The following HEATR4 variants were observed in gnomAD, a reference collection of about 807,000 sequenced individuals.
HEATR4 encodes the protein HEAT repeat containing 4.
HEATR4 carries 95 observed loss-of-function variants against 108.8 expected under a neutral mutation model. That is an observed-to-expected ratio of 0.87 (90% CI 0.74 to 1.04). The LOEUF (loss-of-function observed/expected upper bound fraction) is 1.04, where lower values mean the gene tolerates loss of function less well. Among genes scored for constraint, HEATR4 ranks in the 50% least tolerant of loss-of-function variants. The probability of loss-of-function intolerance (pLI) is 0.00; values close to 1 mark genes in which losing one functional copy is unlikely to be tolerated. For synonymous variants in HEATR4, 443 were observed against 459.4 expected (o/e 0.96, Z 0.46); for missense variants, 1,152 against 1,253.8 (o/e 0.92, Z 1.23).
chr14:73,522,325 GATGACACTTTGATCCTC>G lies in HEATR4; in HGVS notation c.811_827del (p.Glu271ProfsTer30). Reference sequence around the variant, plus strand: ...GCTTCTTCTTTTCCTGTGGGGGCAGGATGACACTTTGATCCTCAAACTCTGCTGTCTCTTCTGCCTCC... The same window carrying G: ...GCTTCTTCTTTTCCTGTGGGGGCAGGAAACTCTGCTGTCTCTTCTGCCTCC... On this transcript the variant is annotated frameshift_variant, in exon 3 of 18. Coordinates refer to ENST00000553558, the MANE Select transcript of HEATR4 (RefSeq NM_001220484.1). LOFTEE classifies it high-confidence loss of function. 6.2e-7 allele frequency: 1 copy of G among 1,614,190 alleles called. No individual in the cohort carries two copies. The highest frequency in any genetic ancestry group is 8.5e-7 in the Non-Finnish European group (1 of 1,180,026).
chr14:73,585,261 G>A, the HEATR4 span, among the ~76,000 whole-genome samples: 2 of 152,166 alleles, frequency 1.3e-5, no homozygotes, highest in Non-Finnish European at 2.9e-5. Context: ...CTAGGTCAGG[G>A]CAAGGTCACA....
the HEATR4 span, chr14:73,611,581 G>C: frequency 2.0e-5 from 3 of 152,242 alleles, no homozygotes; most frequent in Non-Finnish European, 4.4e-5. Context: ...GACTCTGCCA[G>C]TGATTAGATT....
intron 2 of HEATR4, among the ~76,000 whole-genome samples, chr14:73,526,444 G>A (rs777817323): frequency 3.9e-5 from 6 of 152,202 alleles, no homozygotes; most frequent in East Asian, 1.9e-4. Context: ...GTGTGACCGC[G>A]TGTGACACCA....
chr14:73,493,931 A>G (rs1885950365), intron 16 of HEATR4, among the ~76,000 whole-genome samples: 1 of 152,256 alleles, frequency 6.6e-6, no homozygotes, highest in Non-Finnish European at 1.5e-5. Context: ...ATGCAACCCA[A>G]TTCTAGTAGA....
At chr14:73,483,118 G>A (rs535894578) in intron 17 of HEATR4, among the ~76,000 whole-genome samples, 58 of 152,310 alleles carry the variant, frequency 3.8e-4, no homozygotes, top group Admixed American at 2.0e-4. Context: ...GAATCTATAA[G>A]ACTAAATACA....
intron 1 of HEATR4, among the ~76,000 whole-genome samples, chr14:73,542,194 C>T (rs1239263426): frequency 9.4e-6 from 1 of 106,718 alleles, no homozygotes; most frequent in Non-Finnish European, 2.0e-5. Flanking sequence ...GATGGGGTTT[C>T]GCCATGTTGG....
chr14:73,587,199 G>A, the HEATR4 span, among the ~76,000 whole-genome samples: 1 of 151,914 alleles, frequency 6.6e-6, no homozygotes. Context: ...GTCATTCTTG[G>A]GCATTTTTTC....
At chr14:73,595,148 A>G in the HEATR4 span, 3 of 1,614,220 alleles carry the variant, frequency 1.9e-6, no homozygotes, top group South Asian at 1.1e-5. Context: ...CACAGTTTCC[A>G]TCAATGGATC....
In HEATR4 at chr14:73,495,220, A is replaced by C. The variant is rs1482897683; in HGVS notation, c.2785+8T>G. On this transcript the variant is annotated splice_region_variant and intron_variant, in intron 16 of 17. Coordinates refer to ENST00000553558, the MANE Select transcript of HEATR4 (RefSeq NM_001220484.1). ...TCAAGGCATGGAACTCACCCCTAGG[A>C]AACCTACCCTGAAAAGTTTCTTGGA... The C allele has an allele frequency of 6.2e-7, 1 of 1,612,264 alleles. No homozygotes were observed. The highest frequency in any genetic ancestry group is 2.2e-5 in the East Asian group (1 of 44,830).
At chr14:73,612,387 G>A in the HEATR4 span, 1 of 425,054 alleles carries the variant, frequency 2.4e-6, no homozygotes, top group Non-Finnish European at 4.0e-6. Flanking sequence ...TTTCATTTGG[G>A]ACACTGGTGT....
chr14:73,518,396 T>C (rs1010099063), intron 5 of HEATR4, among the ~76,000 whole-genome samples: 2 of 149,862 alleles, frequency 1.3e-5, no homozygotes, highest in African/African-American at 4.9e-5. Flanking sequence ...AGAGCAAGAC[T>C]CTGTCTCCAA....
intron 17 of HEATR4, among the ~76,000 whole-genome samples, chr14:73,485,858 G>T (rs575172780): frequency 5.5e-5 from 7 of 127,058 alleles, no homozygotes; most frequent in African/African-American, 2.0e-4. Context: ...GACAAAGCAA[G>T]ACTCTGTCTC....
the HEATR4 span, among the ~76,000 whole-genome samples, chr14:73,570,747 A>G: frequency 2.0e-5 from 3 of 151,390 alleles, no homozygotes; most frequent in Admixed American, 2.0e-4. Flanking sequence ...TCTACTAAAA[A>G]TAGAAAAATT....
intron 10 of HEATR4, among the ~76,000 whole-genome samples, chr14:73,505,036 A>T (rs1047059169): frequency 6.6e-6 from 1 of 151,894 alleles, no homozygotes; most frequent in African/African-American, 2.4e-5. Context: ...GGTTTAAGCG[A>T]TTCTCCTGCC....
the HEATR4 span, among the ~76,000 whole-genome samples, chr14:73,580,273 T>C: frequency 6.6e-6 from 1 of 151,946 alleles, no homozygotes; most frequent in African/African-American, 2.4e-5. Context: ...AGACTATAGG[T>C]ATTTGCCACC....
At chr14:73,505,107 G>A (rs115708085) in intron 10 of HEATR4, among the ~76,000 whole-genome samples, 1 of 151,834 alleles carries the variant, frequency 6.6e-6, no homozygotes, top group Non-Finnish European at 1.5e-5. Context: ...ATTAGAGATG[G>A]GGTTTTGCCA....
At chr14:73,609,929 G>A in the HEATR4 span, among the ~76,000 whole-genome samples, 1 of 151,374 alleles carries the variant, frequency 6.6e-6, no homozygotes, top group Non-Finnish European at 1.5e-5. Context: ...ATGAGCCACC[G>A]CGCCTGGCCA....
chr14:73,560,959 G>GC, upstream of HEATR4, among the ~76,000 whole-genome samples: 1 of 152,054 alleles, frequency 6.6e-6, no homozygotes, highest in Non-Finnish European at 1.5e-5. Context: ...CATGTTCATA[G>GC]CAGCATACTC....
chr14:73,570,945 T>A, the HEATR4 span, among the ~76,000 whole-genome samples: 2 of 150,344 alleles, frequency 1.3e-5, no homozygotes, highest in Non-Finnish European at 3.0e-5. Flanking sequence ...AATTTTTTAA[T>A]GTTCTTATTT....
Sources: gnomAD v4.1 joint callset for allele counts (sites outside exome capture counted in the v4.1 genomes callset) on GRCh38, gnomAD v4.1.1 for gene constraint, MANE v1.5 for transcripts, NCBI Gene and HGNC (gene_info 2026-07-23, HGNC 2026-07-21) for gene names.